DGKB: variants seen among roughly 807,000 people sequenced by gnomAD.
The protein encoded by DGKB is diacylglycerol kinase beta.
DGKB carries 67 observed loss-of-function variants against 114.3 expected under a neutral mutation model. The ratio of observed to expected loss-of-function variants is 0.59; its 90% CI spans 0.48 to 0.72. DGKB has a LOEUF of 0.72. DGKB is among the 30% of genes least tolerant of loss of function. DGKB has a pLI of 0.00. For missense variants in DGKB, 907 were observed against 975.2 expected, an observed-to-expected ratio of 0.93 and a Z score of 0.93; for synonymous variants, 398 against 323.1, an observed-to-expected ratio of 1.23 and a Z score of -2.49.
At chr7:14,349,979 C>CTG (rs1156260411) in intron 21 of DGKB, among the ~76,000 whole-genome samples, 3 of 152,112 alleles carry the variant, frequency 2.0e-5, no homozygotes, top group African/African-American at 7.2e-5. Flanking sequence ...AACAAAGGTT[C>CTG]TGTAAACCTC....
At chr7:14,734,384 G>A (rs1261341849) in intron 5 of DGKB, among the ~76,000 whole-genome samples, 1 of 152,070 alleles carries the variant, frequency 6.6e-6, no homozygotes, top group African/African-American at 2.4e-5. Flanking sequence ...CTAGAGCTGG[G>A]ACTCGCTAGA....
At chr7:14,877,954 G>T (rs1853564809) in intron 1 of DGKB, among the ~76,000 whole-genome samples, 1 of 151,456 alleles carries the variant, frequency 6.6e-6, no homozygotes, top group Admixed American at 6.6e-5. Flanking sequence ...TTATGTATTT[G>T]TTCAAATAAA....
chr7:14,390,770 A>T (rs550585861), intron 21 of DGKB, among the ~76,000 whole-genome samples: 3 of 152,330 alleles, frequency 2.0e-5, no homozygotes, highest in Non-Finnish European at 2.9e-5. Flanking sequence ...ATAATTTTTT[A>T]AAGTAAAATT....
At chr7:14,672,856 G>T in intron 13 of DGKB, 73 bp downstream of exon 13, 2 of 820,778 alleles carry the variant, frequency 2.4e-6, no homozygotes, top group Non-Finnish European at 3.8e-6. Flanking sequence ...ATCTCTAGAA[G>T]CTTTTAATGG....
chr7:14,743,262 T>C (rs1832815851), intron 4 of DGKB, among the ~76,000 whole-genome samples: 2 of 152,138 alleles, frequency 1.3e-5, no homozygotes, highest in South Asian at 4.1e-4. Context: ...TATTAATGAA[T>C]AATGAAAGAT....
chr7:14,294,881 C>T (rs1344943447), intron 23 of DGKB, among the ~76,000 whole-genome samples: 1 of 152,056 alleles, frequency 6.6e-6, no homozygotes, highest in Non-Finnish European at 1.5e-5. Context: ...AGGATTTAGC[C>T]TGGGTTTTGG....
chr7:14,862,719 C>A (rs961575845), intron 1 of DGKB, among the ~76,000 whole-genome samples: 1 of 151,890 alleles, frequency 6.6e-6, no homozygotes, highest in Non-Finnish European at 1.5e-5. Flanking sequence ...GAATTCAAAG[C>A]GAAAAAAGCC....
At chr7:14,864,523 T>C (rs1851440810) in intron 1 of DGKB, among the ~76,000 whole-genome samples, 1 of 152,110 alleles carries the variant, frequency 6.6e-6, no homozygotes, top group Non-Finnish European at 1.5e-5. Context: ...TGGAAATAAA[T>C]GTTATGTATG....
chr7:14,512,717 A>G (rs1055472350), intron 20 of DGKB, among the ~76,000 whole-genome samples: 4 of 152,182 alleles, frequency 2.6e-5, no homozygotes, highest in East Asian at 1.9e-4. Flanking sequence ...TCTCTACTAA[A>G]TGTGATTAGA....
chr7:14,536,890 T>C (rs1792600515), intron 20 of DGKB, among the ~76,000 whole-genome samples: 1 of 151,228 alleles, frequency 6.6e-6, no homozygotes, highest in Admixed American at 6.6e-5. Flanking sequence ...AATAAAATAA[T>C]ATCTGTTTGC....
At chr7:14,735,844 G>C (rs1355539681) in intron 5 of DGKB, among the ~76,000 whole-genome samples, 197 bp downstream of exon 5, 1 of 152,018 alleles carries the variant, frequency 6.6e-6, no homozygotes, top group Admixed American at 6.6e-5. Flanking sequence ...GATAGATAAG[G>C]ATAAATTATA....
intron 23 of DGKB, among the ~76,000 whole-genome samples, chr7:14,315,410 TG>T (rs1806282833): frequency 6.6e-6 from 1 of 150,388 alleles, no homozygotes; most frequent in South Asian, 2.1e-4. Flanking sequence ...GAGACACACA[TG>T]GGCTCAAAAT....
chr7:14,324,106 T>C (rs1174926219), intron 23 of DGKB, among the ~76,000 whole-genome samples: 2 of 152,162 alleles, frequency 1.3e-5, no homozygotes, highest in Non-Finnish European at 2.9e-5. Context: ...AATCTCTTCA[T>C]TTACTGATCA....
At chr7:14,329,572 C>A (rs1356695734) in intron 23 of DGKB, among the ~76,000 whole-genome samples, 3 of 151,958 alleles carry the variant, frequency 2.0e-5, no homozygotes, top group East Asian at 3.9e-4. Context: ...GATTTCATGT[C>A]TTTTTAATAG....
At chr7:14,879,671 C>T (rs995838100) in intron 1 of DGKB, among the ~76,000 whole-genome samples, 5 of 152,140 alleles carry the variant, frequency 3.3e-5, no homozygotes, top group African/African-American at 1.2e-4. Flanking sequence ...CAAAAACATT[C>T]GTAGTAACAG....
At chr7:14,820,930 T>C (rs1844843124) in intron 2 of DGKB, among the ~76,000 whole-genome samples, 1 of 152,162 alleles carries the variant, frequency 6.6e-6, no homozygotes, top group South Asian at 2.1e-4. Context: ...ATAGTTATTA[T>C]CTTAGACCAG....
chr7:14,328,352 A>C (rs1452087219), intron 23 of DGKB, among the ~76,000 whole-genome samples: 1 of 152,082 alleles, frequency 6.6e-6, no homozygotes, highest in Non-Finnish European at 1.5e-5. Flanking sequence ...ATTCACAGAA[A>C]TTCAGTTTTA....
chr7:14,533,238 C>G (rs1194090833), intron 20 of DGKB, among the ~76,000 whole-genome samples: 1 of 151,908 alleles, frequency 6.6e-6, no homozygotes, highest in East Asian at 1.9e-4. Flanking sequence ...CAGACAGCCT[C>G]TATAGTAGAC....
At chr7:14,604,532 G>A (rs996710894) in intron 17 of DGKB, among the ~76,000 whole-genome samples, 4 of 152,144 alleles carry the variant, frequency 2.6e-5, no homozygotes, top group African/African-American at 4.8e-5. Context: ...ATACTTTCAA[G>A]AGTATGCATT....
Sources: allele counts gnomAD v4.1 joint callset (sites outside exome capture counted in the v4.1 genomes callset), GRCh38; gene constraint gnomAD v4.1.1; transcripts MANE v1.5; gene names NCBI Gene and HGNC (gene_info 2026-07-23, HGNC 2026-07-21).